Variants in HAVCR1 observed in about 807,000 individuals in gnomAD.
HAVCR1 encodes hepatitis A virus cellular receptor 1.
A neutral mutation model predicts 32.0 loss-of-function variants in HAVCR1; 34 were observed. The observed-to-expected ratio is 1.06, with a 90% CI of 0.81 to 1.42. The LOEUF (loss-of-function observed/expected upper bound fraction) is 1.42. HAVCR1 is among the 40% of genes most tolerant of loss of function. The pLI, the probability that HAVCR1 is intolerant of heterozygous loss-of-function variation, is 0.00. For synonymous variants in HAVCR1, 178 were observed against 170.3 expected (o/e 1.05, Z -0.35); for missense variants, 420 against 442.3 (o/e 0.95, Z 0.45).
At chr5:157,048,965 T>C (rs1755579365) in intron 5 of HAVCR1, 73 bp downstream of exon 5, 9 of 854,456 alleles carry the variant, frequency 1.1e-5, no homozygotes, top group Non-Finnish European at 1.6e-5. Flanking sequence ...TTCCAGAGCG[T>C]GTGCTCTCAA....
chr5:157,044,627 A>AAGAAAGAAAGAAAG (rs1561591291), intron 5 of HAVCR1, among the ~76,000 whole-genome samples: 23 of 61,580 alleles, frequency 3.7e-4, no homozygotes, highest in East Asian at 1.5e-3. Flanking sequence ...GAAAGAAAGA[A>AAGAAAGAAAGAAAG]AGAAAGAAAG....
chr5:157,037,893 A>C (rs1435309122), intron 6 of HAVCR1, among the ~76,000 whole-genome samples: 2 of 152,142 alleles, frequency 1.3e-5, no homozygotes, highest in East Asian at 3.9e-4. Flanking sequence ...GCACGCCTGT[A>C]ATCCCAGCTA....
chr5:157,049,068 T>G lies in HAVCR1; in HGVS notation c.751A>C (p.Thr251Pro), dbSNP rs780720276. ...GTGTAAGAGTACAATGGTGAGCTGG[T>G]GGGTTCTCTCCTTATTGCTCCCTGC... is the stretch of plus-strand genomic sequence containing the variant. Reference protein sequence around the residue: ...TLQGAIRREPTSSPLYSYTTD... With the variant: ...TLQGAIRREPPSSPLYSYTTD... Residue 251 changes from threonine to proline, a missense_variant, in exon 5 of 9, where the codon ACC (threonine) becomes CCC (proline). Thr to Pro is a conservative substitution (Grantham distance 38). Coordinates refer to ENST00000523175, the MANE Select transcript of HAVCR1 (RefSeq NM_001173393.3). 1.9e-6 allele frequency: 3 copies of G among 1,610,260 alleles called. No homozygotes were observed. In the East Asian group the frequency reaches 6.7e-5, roughly 36 times the overall value.
Position 157,044,599 on chromosome 5 carries a change from GAAAGAAAGAAAGAAAGAGAAAGAAAGAA to G in HAVCR1, c.782-1945_782-1918del, listed in dbSNP as rs1561590908. On this transcript the variant is annotated intron_variant, in intron 5 of 8. Transcript: ENST00000523175. ...ACAAAGAAAGAAGGAAAGAAAGAAA[GAAAGAAAGAAAGAAAGAGAAAGAAAGAA>G]AGAAAGAAAGAAAGAAAGAAAGAAA... 5.8e-4 allele frequency among the ~76,000 whole-genome samples: 46 copies of G among 78,768 alleles called. 1 individual carries two copies. The South Asian group carries it at 0.023, about 39-fold the overall frequency. The allele number at this position is 78,768 out of a possible 152,430, so 51.7% of individuals were successfully genotyped here. A position where few individuals can be genotyped will look rare whatever the true frequency, so the allele number is the denominator to read the frequency against.
At chr5:157,044,615 G>GAAAAAGAAAGAA (rs760337335) in intron 5 of HAVCR1, among the ~76,000 whole-genome samples, 40 of 52,722 alleles carry the variant, frequency 7.6e-4, no homozygotes, top group African/African-American at 2.5e-3. Context: ...AAGAAAGAAA[G>GAAAAAGAAAGAA]AGAAAGAAAG....
At chr5:157,043,296 A>G (rs1755028186) in intron 5 of HAVCR1, among the ~76,000 whole-genome samples, 1 of 152,378 alleles carries the variant, frequency 6.6e-6, no homozygotes, top group South Asian at 2.1e-4. Flanking sequence ...TTTATGTAAT[A>G]TATAAGATAC....
rs759408704 is a variant in HAVCR1, at chr5:157,052,470, C to A, written c.564G>T (p.Thr188=). 1 of 1,602,802 alleles carries A rather than the reference C, an allele frequency of 6.2e-7. No homozygotes were observed. The highest frequency in any genetic ancestry group is 1.7e-5 in the Admixed American group (1 of 58,900). ...VLTTMTVSTT[T]SVPTTTSIPT... ...GAATGCTCGTTGTCGTTGGAACGCT[C>A]GTTGTCGTTGAAACAGTCATTGTCG... Residue 188 remains threonine (T), a synonymous_variant, in exon 4 of 9, where the codon ACG becomes ACT. Transcript: ENST00000523175.
intron 5 of HAVCR1, among the ~76,000 whole-genome samples, chr5:157,044,601 A>AAGAGAG (rs1474262053): frequency 1.1e-5 from 1 of 88,780 alleles, no homozygotes; most frequent in African/African-American, 5.9e-5. Context: ...GAAAGAAAGA[A>AAGAGAG]AGAAAGAAAG....
upstream of HAVCR1, among the ~76,000 whole-genome samples, chr5:157,062,179 GTA>G (rs567680090): frequency 3.5e-3 from 531 of 152,300 alleles, 1 homozygote; most frequent in African/African-American, 0.012. Context: ...AGCTGCATCT[GTA>G]TAAACCAAGA....
At chr5:157,057,793 T>C in intron 2 of HAVCR1, 105 bp downstream of exon 2, 1 of 815,412 alleles carries the variant, frequency 1.2e-6, no homozygotes, top group South Asian at 1.5e-5. Context: ...AAAGAACATC[T>C]ACATTAATCC....
At chr5:157,066,076 A>AT in the HAVCR1 span, among the ~76,000 whole-genome samples, 1 of 149,292 alleles carries the variant, frequency 6.7e-6, no homozygotes, top group Non-Finnish European at 1.5e-5. Flanking sequence ...AAAAAAAAAA[A>AT]TGCTGAGGTG....
At chr5:157,056,568 G>C (rs1346803268) in intron 2 of HAVCR1, among the ~76,000 whole-genome samples, 1 of 151,280 alleles carries the variant, frequency 6.6e-6, no homozygotes, top group African/African-American at 2.4e-5. Context: ...TTTTAGTAGA[G>C]ACGGGGTTTC....
intron 4 of HAVCR1, among the ~76,000 whole-genome samples, chr5:157,050,172 C>A (rs1755654266): frequency 6.6e-6 from 1 of 152,204 alleles, no homozygotes; most frequent in Non-Finnish European, 1.5e-5. Flanking sequence ...CTGTTCTCAA[C>A]TTTTTCCTGT....
intron 6 of HAVCR1, among the ~76,000 whole-genome samples, chr5:157,038,599 T>A (rs1754682531): frequency 6.6e-6 from 1 of 152,134 alleles, no homozygotes; most frequent in South Asian, 2.1e-4. Context: ...ACACTATGAA[T>A]ATAGTGGAGT....
intron 2 of HAVCR1, among the ~76,000 whole-genome samples, chr5:157,057,426 AGAAAGAAAGAAAG>A (rs1756258811): frequency 6.7e-6 from 1 of 149,586 alleles, no homozygotes; most frequent in Admixed American, 6.7e-5. Context: ...AAAGAAAGAA[AGAAAGAAAGAAAG>A]AAAGAAAGAA....
At chr5:157,066,818 G>A in the HAVCR1 span, among the ~76,000 whole-genome samples, 2 of 152,218 alleles carry the variant, frequency 1.3e-5, no homozygotes, top group African/African-American at 2.4e-5. Flanking sequence ...CGGGCACGGT[G>A]GCTCATGCCT....
At chr5:157,057,459 GAA>G (rs1312102826) in intron 2 of HAVCR1, among the ~76,000 whole-genome samples, 3 of 107,220 alleles carry the variant, frequency 2.8e-5, no homozygotes, top group Non-Finnish European at 6.1e-5. Context: ...AAGAAAGAAA[GAA>G]AGAGAATTGA....
intron 4 of HAVCR1, among the ~76,000 whole-genome samples, chr5:157,051,737 C>T (rs985619776): frequency 5.9e-5 from 9 of 152,056 alleles, no homozygotes; most frequent in Non-Finnish European, 1.0e-4. Context: ...TTGAACTCCT[C>T]GGCTAAAATT....
chr5:157,066,055 T>TAAAAAAAAAAAAAA, the HAVCR1 span, among the ~76,000 whole-genome samples: 302 of 66,840 alleles, frequency 4.5e-3, 19 homozygotes, highest in African/African-American at 0.013. Flanking sequence ...GACTCCGTCT[T>TAAAAAAAAAAAAAA]AAAAAAAAAA....
Sources: gnomAD v4.1 joint callset for allele counts (sites outside exome capture counted in the v4.1 genomes callset) on GRCh38, gnomAD v4.1.1 for gene constraint, MANE v1.5 for transcripts, NCBI Gene and HGNC (gene_info 2026-07-23, HGNC 2026-07-21) for gene names.